The following CDH20 variants were observed in gnomAD, a reference collection of about 807,000 sequenced individuals.
CDH20 encodes the protein cadherin 20.
In CDH20, 29 loss-of-function variants were observed where a neutral mutation model predicts 74.2. The observed-to-expected ratio is 0.39, with a 90% confidence interval of 0.29 to 0.53. The LOEUF (loss-of-function observed/expected upper bound fraction) is 0.53, where lower values mean the gene tolerates loss of function less well. Ranked by LOEUF, CDH20 falls within the 20% of genes least tolerant of loss-of-function variation. The pLI is 0.69. For synonymous variants in CDH20, 469 were observed against 405.4 expected (o/e 1.16, Z -1.88); for missense variants, 988 against 1,048.3 (o/e 0.94, Z 0.79).
intron 1 of CDH20, among the ~76,000 whole-genome samples, chr18:61,360,208 T>C (rs1051289863): frequency 6.6e-6 from 1 of 152,188 alleles, no homozygotes; most frequent in Non-Finnish European, 1.5e-5. Flanking sequence ...ACAATTTTGC[T>C]GCTAGATGAT....
chr18:61,439,883 C>T (rs2144315508), intron 1 of CDH20, among the ~76,000 whole-genome samples: 1 of 152,218 alleles, frequency 6.6e-6, no homozygotes, highest in South Asian at 2.1e-4. Context: ...TGGCATATTC[C>T]TATTTCAAAG....
At chr18:61,341,814 AG>A (rs772366128) in intron 1 of CDH20, among the ~76,000 whole-genome samples, 28 of 152,252 alleles carry the variant, frequency 1.8e-4, no homozygotes, top group South Asian at 1.0e-3. Context: ...TTGCATTTAA[AG>A]CAAATAATAG....
In CDH20 at chr18:61,374,969, A is replaced by G. The variant is rs569007637; in HGVS notation, c.-153+41142A>G. On this transcript the variant is annotated intron_variant, in intron 1 of 11. Transcript: ENST00000262717. ...TGTTTATAAGGACAGCAAAAAGATT[A>G]GATTAGTTGAAAGTTACTGAACTCA... is the stretch of plus-strand genomic sequence containing the variant. Among the ~76,000 whole-genome samples, 3 of 152,324 alleles carry G rather than the reference A, an allele frequency of 2.0e-5. No homozygotes were observed. In the East Asian group the frequency reaches 5.8e-4, roughly 29 times the overall value.
rs191153766 is a variant in CDH20, at chr18:61,495,976, A to G, written c.247-3210A>G. Among the ~76,000 whole-genome samples the G allele has an allele frequency of 6.2e-4, 90 of 144,234 alleles. 1 individual carries two copies. The East Asian group carries it at 0.01, about 17-fold the overall frequency. The allele number at this position is 144,234 out of a possible 152,430, so 94.6% of individuals were successfully genotyped here. On this transcript the variant is annotated intron_variant, in intron 2 of 11. Coordinates refer to ENST00000262717, the MANE Select transcript of CDH20 (RefSeq NM_031891.4). ...TGGGGCTGTTCTCTACCCGCTCCCC[A>G]CTCCTTTTCCCTTTCCCCGCCTTCT...
At chr18:61,488,167 T>C (rs1401870882) in intron 1 of CDH20, among the ~76,000 whole-genome samples, 1 of 152,152 alleles carries the variant, frequency 6.6e-6, no homozygotes, top group African/African-American at 2.4e-5. Context: ...TTCTTTACTA[T>C]TGAAGAGTTT....
At position 61,522,430 on chromosome 18, in the gene CDH20, G is replaced by GA. The variant is rs1403379110; in HGVS notation, c.1018-5531dup. On this transcript the variant is annotated intron_variant, in intron 6 of 11. Transcript: ENST00000262717. ...GAAATAAGAGAGGACACAAACAAAT[G>GA]AAAAAACATTCCATGCTCATGGATA... 3.3e-5 allele frequency among the ~76,000 whole-genome samples: 5 copies of GA among 152,232 alleles called. No individual in the cohort carries two copies. In the South Asian group the frequency reaches 6.2e-4, roughly 19 times the overall value.
intron 1 of CDH20, among the ~76,000 whole-genome samples, chr18:61,449,914 C>T (rs1909324963): frequency 6.6e-6 from 1 of 151,904 alleles, no homozygotes; most frequent in Non-Finnish European, 1.5e-5. Context: ...ATTATATTGG[C>T]TATTCTCTAG....
Position 61,449,546 on chromosome 18 carries a change from C to T in CDH20, c.-152-40856C>T, listed in dbSNP as rs572165382. 4.1e-4 allele frequency among the ~76,000 whole-genome samples: 63 copies of T among 151,988 alleles called. 1 individual carries two copies. The highest frequency in any genetic ancestry group is 2.1e-4 in the South Asian group (1 of 4,810). On this transcript the variant is annotated intron_variant, in intron 1 of 11. Transcript: ENST00000262717. ...TACACAGAATAATATATTGTCCAAGCGAATAGGTGGTAGGGAACATGGCAC... is the reference window on the plus strand; with the variant it reads ...TACACAGAATAATATATTGTCCAAGTGAATAGGTGGTAGGGAACATGGCAC...
chr18:61,434,595 C>A (rs1277396062), intron 1 of CDH20, among the ~76,000 whole-genome samples: 2 of 152,100 alleles, frequency 1.3e-5, no homozygotes, highest in African/African-American at 4.8e-5. Flanking sequence ...GAAGTAGACA[C>A]TTACCCACTT....
chr18:61,363,002 G>A (rs1910750508), intron 1 of CDH20, among the ~76,000 whole-genome samples: 1 of 152,162 alleles, frequency 6.6e-6, no homozygotes, highest in South Asian at 2.1e-4. Flanking sequence ...ATGTCCTGGA[G>A]AAGTTGTCTT....
At chr18:61,541,119 G>C (rs970186832) in intron 9 of CDH20, among the ~76,000 whole-genome samples, 1 of 152,002 alleles carries the variant, frequency 6.6e-6, no homozygotes, top group South Asian at 2.1e-4. Context: ...AAAGAAGGGA[G>C]GTATAAAAAC....
At position 61,550,169 on chromosome 18, in the gene CDH20, C is replaced by T; in HGVS notation, c.1840C>T (p.Pro614Ser). Residue 614 changes from proline to serine, a missense_variant, in exon 11 of 12, where the codon CCA becomes TCA. By Grantham distance (74) the Pro-to-Ser change is moderately conservative. Coordinates refer to ENST00000262717, the MANE Select transcript of CDH20 (RefSeq NM_031891.4). ...CTGCAGCCCAGAGGCCTACATGCTC[C>T]CAGTCAGTTTGAGCCGGGGCGCCCT... ...MSCSPEAYML[P>S]VSLSRGALIA... The T allele has an allele frequency of 6.2e-7, 1 of 1,614,130 alleles. No individual in the cohort carries two copies. The highest frequency in any genetic ancestry group is 8.5e-7 in the Non-Finnish European group (1 of 1,180,042).
intron 1 of CDH20, among the ~76,000 whole-genome samples, chr18:61,484,198 T>G (rs1910681089): frequency 6.6e-6 from 1 of 152,244 alleles, no homozygotes; most frequent in Non-Finnish European, 1.5e-5. Context: ...AGCACAGATT[T>G]AATGCAATTA....
chr18:61,533,990 T>C (rs1335612162), intron 7 of CDH20, among the ~76,000 whole-genome samples: 1 of 152,218 alleles, frequency 6.6e-6, no homozygotes, highest in Non-Finnish European at 1.5e-5. Context: ...GATGTGTCTG[T>C]TTTAATTCCA....
rs555900965 is a variant in CDH20, at chr18:61,552,539, T to C, written c.1901-1651T>C. Among the ~76,000 whole-genome samples, 403 of 152,268 alleles carry C rather than the reference T, an allele frequency of 2.6e-3. 2 individuals are homozygous for C. The highest frequency in any genetic ancestry group is 5.2e-3 in the Admixed American group (79 of 15,302). On this transcript the variant is annotated intron_variant, in intron 11 of 11. Coordinates refer to ENST00000262717, the MANE Select transcript of CDH20 (RefSeq NM_031891.4). ...CTTCCAATTTTGCTTCCTAGCGTTA[T>C]CCAAAATACCGCCCCTACCACTTCA...
intron 8 of CDH20, among the ~76,000 whole-genome samples, chr18:61,537,439 A>G (rs946612967): frequency 6.6e-6 from 1 of 152,248 alleles, no homozygotes; most frequent in Admixed American, 6.5e-5. Flanking sequence ...TAAGTGTCTA[A>G]TAATAGGAGA....
chr18:61,373,293 T>C (rs1454357297), intron 1 of CDH20, among the ~76,000 whole-genome samples: 1 of 152,090 alleles, frequency 6.6e-6, no homozygotes, highest in East Asian at 1.9e-4. Context: ...TGTTTTGTTG[T>C]CTTGTTTTAA....
intron 7 of CDH20, among the ~76,000 whole-genome samples, chr18:61,531,650 C>T (rs1207465027): frequency 6.6e-6 from 1 of 152,180 alleles, no homozygotes; most frequent in Non-Finnish European, 1.5e-5. Context: ...TGTGATCTGG[C>T]TCTGTGTCCC....
intron 1 of CDH20, among the ~76,000 whole-genome samples, chr18:61,389,436 A>G (rs956599217): frequency 1.3e-5 from 2 of 152,180 alleles, no homozygotes; most frequent in African/African-American, 4.8e-5. Context: ...AGTACTAAGA[A>G]TCAGGACAGT....
Sources: allele counts gnomAD v4.1 joint callset (sites outside exome capture counted in the v4.1 genomes callset), GRCh38; gene constraint gnomAD v4.1.1; transcripts MANE v1.5; gene names NCBI Gene and HGNC (gene_info 2026-07-23, HGNC 2026-07-21).